CSMD1: variants seen among roughly 807,000 people sequenced by gnomAD.
The protein encoded by CSMD1 is CUB and sushi domain-containing protein 1.
CSMD1 carries 213 observed loss-of-function variants against 417.5 expected under a neutral mutation model. The observed-to-expected ratio is 0.51, with a 90% confidence interval of 0.46 to 0.57. CSMD1 has a LOEUF of 0.57. CSMD1 is among the 20% of genes least tolerant of loss of function. The probability of loss-of-function intolerance (pLI) is 0.00; values close to 1 mark genes in which losing one functional copy is unlikely to be tolerated. For synonymous variants in CSMD1, 2,862 were observed against 1,736.8 expected (o/e 1.65, Z -16.11); for missense variants, 6,923 against 4,529.7 (o/e 1.53, Z -15.17).
intron 1 of CSMD1, among the ~76,000 whole-genome samples, chr8:4,938,689 G>A (rs1032295671): frequency 6.6e-6 from 1 of 152,188 alleles, no homozygotes; most frequent in Non-Finnish European, 1.5e-5. Flanking sequence ...TAATGGGGTG[G>A]AAAGAAACAG....
intron 5 of CSMD1, among the ~76,000 whole-genome samples, chr8:3,798,252 G>A (rs934063996): frequency 2.6e-5 from 4 of 151,798 alleles, no homozygotes; most frequent in African/African-American, 9.7e-5. Flanking sequence ...TTTTCATAAT[G>A]GTACTTTTTA....
chr8:3,794,115 C>G (rs28541764), intron 5 of CSMD1, among the ~76,000 whole-genome samples: 36,454 of 152,044 alleles, frequency 0.24, 4,768 homozygotes, highest in Admixed American at 0.33. Context: ...CAGGCACACA[C>G]CCTGCCTAAT....
intron 1 of CSMD1, among the ~76,000 whole-genome samples, chr8:4,947,600 A>T (rs1006354587): frequency 2.0e-5 from 3 of 152,116 alleles, no homozygotes; most frequent in African/African-American, 7.2e-5. Flanking sequence ...TTCTTCCCCT[A>T]CATGTAAACT....
At chr8:4,762,711 G>C (rs1309237132) in intron 1 of CSMD1, among the ~76,000 whole-genome samples, 1 of 152,114 alleles carries the variant, frequency 6.6e-6, no homozygotes, top group Non-Finnish European at 1.5e-5. Context: ...TGCATCACCA[G>C]AGCGAGCTAT....
chr8:4,034,964 T>C (rs1184929092), intron 3 of CSMD1, among the ~76,000 whole-genome samples: 1 of 152,194 alleles, frequency 6.6e-6, no homozygotes, highest in Non-Finnish European at 1.5e-5. Flanking sequence ...AAATGGAACT[T>C]AGTCTGCGCG....
intron 15 of CSMD1, among the ~76,000 whole-genome samples, chr8:3,403,808 T>G (rs1016315824): frequency 1.3e-5 from 2 of 152,238 alleles, no homozygotes; most frequent in African/African-American, 4.8e-5. Flanking sequence ...GCACCACATG[T>G]GTATATATTT....
intron 8 of CSMD1, among the ~76,000 whole-genome samples, chr8:3,591,329 A>T (rs1276562421): frequency 6.6e-6 from 1 of 152,218 alleles, no homozygotes; most frequent in African/African-American, 2.4e-5. Context: ...TTCGGAAGAC[A>T]TTTATCACCA....
At chr8:3,156,203 G>A (rs1365843632) in intron 39 of CSMD1, among the ~76,000 whole-genome samples, 1 of 152,124 alleles carries the variant, frequency 6.6e-6, no homozygotes, top group Non-Finnish European at 1.5e-5. Flanking sequence ...ACACCATTTG[G>A]CAGTATGGCA....
At chr8:3,581,425 G>GC (rs758445550) in intron 9 of CSMD1, among the ~76,000 whole-genome samples, 4 of 152,126 alleles carry the variant, frequency 2.6e-5, no homozygotes, top group Admixed American at 6.5e-5. Flanking sequence ...AGGTAATGTT[G>GC]CCCCCCGTTC....
At chr8:3,906,024 G>A (rs747374660) in intron 5 of CSMD1, among the ~76,000 whole-genome samples, 32 of 151,950 alleles carry the variant, frequency 2.1e-4, no homozygotes, top group Middle Eastern at 3.4e-3. Flanking sequence ...TATTTTCCCC[G>A]CTTTTCAAAA....
chr8:4,236,892 T>A (rs1236782734), intron 3 of CSMD1, among the ~76,000 whole-genome samples: 1 of 152,174 alleles, frequency 6.6e-6, no homozygotes, highest in Non-Finnish European at 1.5e-5. Flanking sequence ...ATGGTATAAA[T>A]TCAATTTCCA....
intron 1 of CSMD1, among the ~76,000 whole-genome samples, chr8:4,711,378 A>C (rs1040843603): frequency 3.9e-5 from 6 of 152,312 alleles, no homozygotes; most frequent in African/African-American, 1.4e-4. Context: ...AATTAATGTT[A>C]AATTGCATAG....
intron 12 of CSMD1, among the ~76,000 whole-genome samples, 191 bp from the exon 13 acceptor site, chr8:3,409,796 T>C (rs570472953): frequency 6.6e-6 from 1 of 152,316 alleles, no homozygotes; most frequent in East Asian, 1.9e-4. Flanking sequence ...TCATTTCAAA[T>C]GAAGGGAAAG....
chr8:3,463,176 G>C (rs1585202146), intron 12 of CSMD1, among the ~76,000 whole-genome samples: 1 of 152,146 alleles, frequency 6.6e-6, no homozygotes, highest in African/African-American at 2.4e-5. Flanking sequence ...CTGTGCACCT[G>C]TCGTGACTGG....
At chr8:4,854,685 C>T (rs886896641) in intron 1 of CSMD1, among the ~76,000 whole-genome samples, 6 of 152,134 alleles carry the variant, frequency 3.9e-5, no homozygotes, top group African/African-American at 4.8e-5. Context: ...CACTCCCACC[C>T]GAATACTGCC....
intron 5 of CSMD1, among the ~76,000 whole-genome samples, chr8:3,911,104 G>C (rs372883042): frequency 4.2e-4 from 64 of 152,254 alleles, no homozygotes; most frequent in African/African-American, 1.5e-3. Flanking sequence ...CTTGGCAGCT[G>C]TGGTTTACTG....
chr8:3,114,650 T>A lies in CSMD1; in HGVS notation c.6430+3749A>T, dbSNP rs141919636. ...GAAATTGCCGGTTGGTAATGGAGAT[T>A]TTAAAGACTGTATTTGTGAATGCAG... On this transcript the variant is annotated intron_variant, in intron 42 of 69. Coordinates refer to ENST00000635120, the MANE Select transcript of CSMD1 (RefSeq NM_033225.6). Among the ~76,000 whole-genome samples the A allele has an allele frequency of 3.1e-3, 466 of 152,122 alleles. 4 individuals are homozygous for A. The highest frequency in any genetic ancestry group is 0.011 in the African/African-American group (442 of 41,526).
intron 1 of CSMD1, among the ~76,000 whole-genome samples, chr8:4,911,059 T>C (rs1805637086): frequency 6.6e-6 from 1 of 152,190 alleles, no homozygotes; most frequent in Non-Finnish European, 1.5e-5. Flanking sequence ...TTGCTCCTCC[T>C]TGCCTTCCAC....
chr8:3,930,554 C>T lies in CSMD1; in HGVS notation c.818+67349G>A, dbSNP rs901682236. ...CAAAAGTTCTAAGTTGCTAGCCAAT[C>T]GGGACAAATACAGAATCTGAGGTCC... On this transcript the variant is annotated intron_variant, in intron 5 of 69. Coordinates refer to ENST00000635120, the MANE Select transcript of CSMD1 (RefSeq NM_033225.6). 1.0e-4 allele frequency among the ~76,000 whole-genome samples: 15 copies of T among 150,368 alleles called. No homozygotes were observed. In the East Asian group the frequency reaches 1.2e-3, roughly 12 times the overall value.
Sources: gnomAD v4.1 joint callset for allele counts (sites outside exome capture counted in the v4.1 genomes callset) on GRCh38, gnomAD v4.1.1 for gene constraint, MANE v1.5 for transcripts, NCBI Gene and HGNC (gene_info 2026-07-23, HGNC 2026-07-21) for gene names.